KPNA1: variants seen among roughly 807,000 people sequenced by gnomAD.
The protein encoded by KPNA1 is karyopherin subunit alpha 1.
A neutral mutation model predicts 70.5 loss-of-function variants in KPNA1; 10 were observed. The observed-to-expected ratio is 0.14, with a 90% CI of 0.09 to 0.24. The LOEUF (loss-of-function observed/expected upper bound fraction) is 0.24. KPNA1 is among the 10% of genes least tolerant of loss of function. The pLI is 1.00. For synonymous variants in KPNA1, 192 were observed against 221.9 expected, an observed-to-expected ratio of 0.87 and a Z score of 1.20; for missense variants, 397 against 637.9, an observed-to-expected ratio of 0.62 and a Z score of 4.07.
chr3:122,440,686 T>C lies in KPNA1; in HGVS notation c.996+1352A>G, dbSNP rs549626909. 2.1e-3 allele frequency among the ~76,000 whole-genome samples: 326 copies of C among 152,360 alleles called. 1 individual carries two copies. Among genetic ancestry groups the C allele is most frequent in the African/African-American group, 7.6e-3 (318 of 41,582 alleles). On this transcript the variant is annotated intron_variant, in intron 10 of 13. Transcript: ENST00000344337. The stretch of plus-strand genomic sequence containing the variant: ...TTATGCAAATATAGTCAAACATATA[T>C]TCTTTTCTTCTCCTATTCTCTTCTG...
chr3:122,453,857 G>T lies in KPNA1; in HGVS notation c.564+13C>A. The T allele has an allele frequency of 6.3e-7, 1 of 1,584,286 alleles. No individual in the cohort carries two copies. Among genetic ancestry groups the T allele is most frequent in the Non-Finnish European group, 8.6e-7 (1 of 1,167,794 alleles). On this transcript the variant is annotated intron_variant, in intron 6 of 13. Coordinates refer to ENST00000344337, the MANE Select transcript of KPNA1 (RefSeq NM_002264.4). The stretch of plus-strand genomic sequence containing the variant: ...AACTTTCTTTCACCTGCTTCTTTTT[G>T]TTTCATTTTTACCTGTTCCTGGACA...
intron 2 of KPNA1, among the ~76,000 whole-genome samples, chr3:122,488,737 T>G (rs2076659293): frequency 6.6e-6 from 1 of 152,240 alleles, no homozygotes; most frequent in African/African-American, 2.4e-5. Context: ...ACGAGAACTG[T>G]GATGTCATCC....
chr3:122,437,823 CTAAAATAATA>C (rs2076008881), intron 10 of KPNA1, among the ~76,000 whole-genome samples: 1 of 148,234 alleles, frequency 6.7e-6, no homozygotes, highest in Non-Finnish European at 1.5e-5. Flanking sequence ...CTACTAGAAA[CTAAAATAATA>C]TAAGTTTGAT....
At chr3:122,496,129 AT>A (rs1186201308) in intron 2 of KPNA1, among the ~76,000 whole-genome samples, 1 of 152,198 alleles carries the variant, frequency 6.6e-6, no homozygotes, top group Non-Finnish European at 1.5e-5. Flanking sequence ...CATCAAAAAA[AT>A]CTTAAAGAAG....
chr3:122,481,693 A>G (rs2076572753), intron 2 of KPNA1, among the ~76,000 whole-genome samples: 1 of 152,250 alleles, frequency 6.6e-6, no homozygotes, highest in Non-Finnish European at 1.5e-5. Context: ...TTATATCTCA[A>G]TGAAACTGTT....
chr3:122,476,861 C>CAAAAAAAAAAAAAAAAAAAAAAAAAA (rs144118691), intron 2 of KPNA1, among the ~76,000 whole-genome samples: 9 of 65,498 alleles, frequency 1.4e-4, no homozygotes, highest in East Asian at 8.4e-4. Context: ...GGAGGTTCCA[C>CAAAAAAAAAAAAAAAAAAAAAAAAAA]AAAAAAAAAA....
At chr3:122,470,442 G>T (rs2076428523) in intron 2 of KPNA1, among the ~76,000 whole-genome samples, 1 of 151,988 alleles carries the variant, frequency 6.6e-6, no homozygotes, top group Admixed American at 6.5e-5. Flanking sequence ...AACCCGGGGG[G>T]TGGAGCTTGC....
intron 6 of KPNA1, among the ~76,000 whole-genome samples, chr3:122,452,761 G>A (rs1299440264): frequency 6.6e-6 from 1 of 150,940 alleles, no homozygotes; most frequent in African/African-American, 2.4e-5. Flanking sequence ...GAGGGAAGGA[G>A]AGACGGAGAG....
At chr3:122,498,696 C>T (rs2076790736) in intron 1 of KPNA1, among the ~76,000 whole-genome samples, 1 of 152,114 alleles carries the variant, frequency 6.6e-6, no homozygotes, top group Non-Finnish European at 1.5e-5. Context: ...AGTCTTCTTA[C>T]TTTTTTGGTT....
Position 122,425,847 on chromosome 3 carries a change from G to C in KPNA1, c.*1138C>G, listed in dbSNP as rs1418263942. On this transcript the variant is annotated 3_prime_UTR_variant, in exon 14 of 14. Transcript: ENST00000344337. ...GTTGAGAAGATGGTTATTTCTTTCAGATAAGGATGCTACATTAAAGGAATC... is the reference window on the plus strand; with the variant it reads ...GTTGAGAAGATGGTTATTTCTTTCACATAAGGATGCTACATTAAAGGAATC... 1 of 152,576 alleles carries C rather than the reference G, an allele frequency of 6.6e-6. No homozygotes were observed. The highest frequency in any genetic ancestry group is 1.5e-5 in the Non-Finnish European group (1 of 68,024). 9.5% of individuals were successfully genotyped at this position (152,576 alleles called of 1,614,324 possible). A position where few individuals can be genotyped will look rare whatever the true frequency, so the allele number is the denominator to read the frequency against.
At chr3:122,505,893 G>C (rs1379620858) in intron 1 of KPNA1, among the ~76,000 whole-genome samples, 1 of 152,124 alleles carries the variant, frequency 6.6e-6, no homozygotes, top group Admixed American at 6.5e-5. Flanking sequence ...CTTAACCTCA[G>C]ACTCTTTGCT....
At chr3:122,487,958 T>C (rs1323318245) in intron 2 of KPNA1, among the ~76,000 whole-genome samples, 1 of 152,170 alleles carries the variant, frequency 6.6e-6, no homozygotes, top group Admixed American at 6.5e-5. Flanking sequence ...CCAAATACAA[T>C]GTATGACTTA....
intron 3 of KPNA1, among the ~76,000 whole-genome samples, chr3:122,465,934 C>T (rs72958455): frequency 0.016 from 2,501 of 152,268 alleles, 69 homozygotes; most frequent in African/African-American, 0.058. Context: ...CCCAAAGACA[C>T]GAGCCACTTT....
intron 6 of KPNA1, among the ~76,000 whole-genome samples, chr3:122,453,573 G>A (rs1334039373): frequency 6.6e-6 from 1 of 151,566 alleles, no homozygotes; most frequent in South Asian, 2.1e-4. Flanking sequence ...TCTTGCTCTC[G>A]TCACCCAGGC....
In KPNA1 at chr3:122,426,523, T is replaced by C. The variant is rs1428115921; in HGVS notation, c.*462A>G. 1 of 153,190 alleles carries C rather than the reference T, an allele frequency of 6.5e-6. No homozygotes were observed. Among genetic ancestry groups the C allele is most frequent in the Non-Finnish European group, 1.5e-5 (1 of 68,582 alleles). 9.5% of individuals were successfully genotyped at this position (153,190 alleles called of 1,614,324 possible). A position where few individuals can be genotyped will look rare whatever the true frequency, so the allele number is the denominator to read the frequency against. ...GTGGAAGAACTCATGAAAAGTACTC[T>C]GAAGTATACACAACAGGTCTAAACA... is the stretch of plus-strand genomic sequence containing the variant. On this transcript the variant is annotated 3_prime_UTR_variant, in exon 14 of 14. Coordinates refer to ENST00000344337, the MANE Select transcript of KPNA1 (RefSeq NM_002264.4).
intron 12 of KPNA1, among the ~76,000 whole-genome samples, chr3:122,430,582 G>GTGTGT (rs2075890576): frequency 1.5e-5 from 2 of 131,196 alleles, no homozygotes. Context: ...TGTGTGTGTG[G>GTGTGT]TTTCTCAGAT....
rs1360650924 is a variant in KPNA1 at position 122,493,184 on chromosome 3, CATATT to C, written c.129+3248_129+3252del. Among the ~76,000 whole-genome samples the C allele has an allele frequency of 5.3e-5, 8 of 152,210 alleles. No homozygotes were observed. The East Asian group carries it at 1.3e-3, about 26-fold the overall frequency. The stretch of plus-strand genomic sequence containing the variant: ...AGCTCTATTCACAACAGGATTAAAA[CATATT>C]ATAGTTTTTCTTCCCAAGGTCAATA... On this transcript the variant is annotated intron_variant, in intron 2 of 13. Transcript: ENST00000344337.
At chr3:122,429,094 T>TA (rs2075862733) in intron 12 of KPNA1, among the ~76,000 whole-genome samples, 1 of 152,124 alleles carries the variant, frequency 6.6e-6, no homozygotes, top group South Asian at 2.1e-4. Flanking sequence ...GTAATCAACT[T>TA]ACGATCATTT....
At position 122,438,567 on chromosome 3, in the gene KPNA1, G is replaced by A. The variant is rs1331797576; in HGVS notation, c.997-1272C>T. Among the ~76,000 whole-genome samples, 4 of 152,082 alleles carry A rather than the reference G, an allele frequency of 2.6e-5. No individual in the cohort carries two copies. In the East Asian group the frequency reaches 5.8e-4, roughly 22 times the overall value. ...ACGCCCGGCTAATTTTGTATTTTTA[G>A]TAGAGACAGGGTTTCTCCATGTTGG... On this transcript the variant is annotated intron_variant, in intron 10 of 13. Coordinates refer to ENST00000344337, the MANE Select transcript of KPNA1 (RefSeq NM_002264.4).
Sources: allele counts gnomAD v4.1 joint callset (sites outside exome capture counted in the v4.1 genomes callset), GRCh38; gene constraint gnomAD v4.1.1; transcripts MANE v1.5; gene names NCBI Gene and HGNC (gene_info 2026-07-23, HGNC 2026-07-21).